CCDC141: variants seen among roughly 807,000 people sequenced by gnomAD.
The protein encoded by CCDC141 is coiled-coil domain containing 141.
Under a neutral mutation model 181.0 loss-of-function variants are expected in CCDC141, and 168 were observed. That is an observed-to-expected ratio of 0.93 (90% confidence interval 0.82 to 1.05). CCDC141 has a LOEUF of 1.05. Ranked by LOEUF, CCDC141 falls within the 50% of genes least tolerant of loss-of-function variation. The probability of loss-of-function intolerance (pLI) is 0.00; values close to 1 mark genes in which losing one functional copy is unlikely to be tolerated. For synonymous variants in CCDC141, 666 were observed against 642.3 expected, an observed-to-expected ratio of 1.04 and a Z score of -0.56; for missense variants, 1,902 against 1,788.5, an observed-to-expected ratio of 1.06 and a Z score of -1.14.
chr2:178,905,792 C>T (rs1243391778), intron 7 of CCDC141, among the ~76,000 whole-genome samples: 5 of 152,170 alleles, frequency 3.3e-5, no homozygotes, highest in Non-Finnish European at 5.9e-5. Flanking sequence ...GAGTTATAAC[C>T]GCATAGAATT....
chr2:178,923,701 G>C (rs1575223741), intron 6 of CCDC141, among the ~76,000 whole-genome samples: 1 of 152,198 alleles, frequency 6.6e-6, no homozygotes, highest in South Asian at 2.1e-4. Context: ...CGATACAGAC[G>C]TGAGGCCCTG....
At chr2:178,835,518 C>G (rs1575111143) in intron 23 of CCDC141, among the ~76,000 whole-genome samples, 1 of 152,318 alleles carries the variant, frequency 6.6e-6, no homozygotes, top group East Asian at 1.9e-4. Flanking sequence ...GTTTTCTGTT[C>G]CCATTGCCTA....
intron 2 of CCDC141, among the ~76,000 whole-genome samples, chr2:179,015,229 C>T (rs1297216391): frequency 1.7e-4 from 6 of 36,036 alleles, no homozygotes; most frequent in Admixed American, 3.0e-4. Context: ...TCATATATAC[C>T]TCATATATAT....
At chr2:178,980,794 G>C (rs1691344632) in intron 2 of CCDC141, among the ~76,000 whole-genome samples, 1 of 152,096 alleles carries the variant, frequency 6.6e-6, no homozygotes, top group Non-Finnish European at 1.5e-5. Flanking sequence ...TAATTATTTT[G>C]CAATGTATAC....
chr2:179,021,175 T>C (rs2042681874), intron 2 of CCDC141, among the ~76,000 whole-genome samples: 3 of 152,182 alleles, frequency 2.0e-5, no homozygotes, highest in Admixed American at 1.3e-4. Flanking sequence ...AGAAGTAGGT[T>C]GTACCTTCCG....
At chr2:178,928,393 C>A (rs1201432540) in intron 6 of CCDC141, among the ~76,000 whole-genome samples, 2 of 152,228 alleles carry the variant, frequency 1.3e-5, no homozygotes, top group Non-Finnish European at 2.9e-5. Context: ...AGGCGGTTCA[C>A]AGATTGACTG....
intron 7 of CCDC141, among the ~76,000 whole-genome samples, chr2:178,906,795 G>A (rs1348901843): frequency 2.0e-5 from 3 of 152,080 alleles, no homozygotes; most frequent in Non-Finnish European, 4.4e-5. Context: ...GAGACCAGGC[G>A]AGCAAGGTTG....
Position 178,837,340 on chromosome 2 carries a change from C to T in CCDC141, c.3879G>A (p.Gln1293=), listed in dbSNP as rs369418999. The change falls in exon 23 of 24, where the codon CAG becomes CAA. Residue 1293 remains glutamine, a synonymous_variant. Coordinates refer to ENST00000443758, the MANE Select transcript of CCDC141 (RefSeq NM_173648.4). ...AGGTTAGTGGGGGCTCAGCTTTGAACTGGAGGTAAGGCCTCTCAAAATGAC... is the reference window on the plus strand; with the variant it reads ...AGGTTAGTGGGGGCTCAGCTTTGAATTGGAGGTAAGGCCTCTCAAAATGAC... ...FSSHFERPYL[Q]FKAEPPLTSR... is the part of the protein sequence containing the mutation. The T allele has an allele frequency of 2.4e-5, 39 of 1,614,104 alleles. No individual in the cohort carries two copies. The highest frequency in any genetic ancestry group is 1.6e-4 in the Middle Eastern group (1 of 6,062).
chr2:178,903,853 A>G (rs1687830788), intron 8 of CCDC141, among the ~76,000 whole-genome samples: 1 of 152,022 alleles, frequency 6.6e-6, no homozygotes, highest in South Asian at 2.1e-4. Context: ...GAGAAATAAC[A>G]TCTGTCTGTG....
chr2:178,992,162 A>C (rs964377958), intron 2 of CCDC141, among the ~76,000 whole-genome samples: 1 of 151,822 alleles, frequency 6.6e-6, no homozygotes, highest in Non-Finnish European at 1.5e-5. Flanking sequence ...TTTATGTACA[A>C]GTTTTTGGGT....
chr2:179,018,317 A>G (rs901194286), intron 2 of CCDC141, among the ~76,000 whole-genome samples: 13 of 152,140 alleles, frequency 8.5e-5, no homozygotes, highest in African/African-American at 3.1e-4. Flanking sequence ...GTCTATCTGT[A>G]ACATAAACTG....
chr2:178,827,146 G>T (rs769932416), downstream of CCDC141, among the ~76,000 whole-genome samples: 2 of 151,934 alleles, frequency 1.3e-5, no homozygotes, highest in Non-Finnish European at 2.9e-5. Context: ...TTAATCTACA[G>T]GTATTTCTGG....
intron 2 of CCDC141, among the ~76,000 whole-genome samples, chr2:179,028,085 T>C (rs1425092268): frequency 1.3e-5 from 2 of 152,160 alleles, no homozygotes; most frequent in Non-Finnish European, 2.9e-5. Context: ...ATCCCAGACT[T>C]CCCACCCAGG....
chr2:178,911,166 T>G (rs10179812), intron 7 of CCDC141, among the ~76,000 whole-genome samples: 16,951 of 152,256 alleles, frequency 0.11, 1,615 homozygotes, highest in South Asian at 0.32. Context: ...TTGAAATTTA[T>G]GGACTATGTA....
At chr2:178,826,931 A>C (rs1394126792), downstream of CCDC141, among the ~76,000 whole-genome samples, 1 of 151,914 alleles carries the variant, frequency 6.6e-6, no homozygotes, top group African/African-American at 2.4e-5. Context: ...TTCTTTCTCT[A>C]GTTTCCTAAG....
intron 20 of CCDC141, among the ~76,000 whole-genome samples, chr2:178,852,685 G>A (rs1685213172): frequency 6.6e-6 from 1 of 152,198 alleles, no homozygotes; most frequent in Non-Finnish European, 1.5e-5. Flanking sequence ...TGTACCAACT[G>A]TTGTGTCTTC....
At position 178,913,811 on chromosome 2, in the gene CCDC141, T is replaced by G. The variant is rs77367922; in HGVS notation, c.1092+4902A>C. Among the ~76,000 whole-genome samples the G allele has an allele frequency of 1.7e-3, 253 of 152,278 alleles. 1 individual carries two copies. Among genetic ancestry groups the G allele is most frequent in the Middle Eastern group, 6.8e-3 (2 of 294 alleles). ...CAAAAATCAGACCATGTTCATAAAA[T>G]GGATTTGGCCTCAGTTTCCTCTGCT... On this transcript the variant is annotated intron_variant, in intron 7 of 23. Transcript: ENST00000443758.
chr2:178,987,187 T>C (rs1691792827), intron 2 of CCDC141, among the ~76,000 whole-genome samples: 1 of 140,366 alleles, frequency 7.1e-6, no homozygotes, highest in East Asian at 2.3e-4. Context: ...ATCTGATCTT[T>C]GACAAACCTG....
At chr2:179,035,573 G>A (rs1195626228) in intron 2 of CCDC141, among the ~76,000 whole-genome samples, 1 of 152,154 alleles carries the variant, frequency 6.6e-6, no homozygotes, top group African/African-American at 2.4e-5. Context: ...GCTCAACTGG[G>A]ACTGGAGAAT....
Sources: gnomAD v4.1 joint callset for allele counts (sites outside exome capture counted in the v4.1 genomes callset) on GRCh38, gnomAD v4.1.1 for gene constraint, MANE v1.5 for transcripts, NCBI Gene and HGNC (gene_info 2026-07-23, HGNC 2026-07-21) for gene names.